Variants in PFKFB1 observed in about 807,000 individuals in gnomAD.
PFKFB1 encodes the protein 6-phosphofructo-2-kinase/fructose-2,6-biphosphatase 1.
In PFKFB1, 34 loss-of-function variants were observed where a neutral mutation model predicts 46.4. That is an observed-to-expected ratio of 0.73 (90% CI 0.56 to 0.98). The LOEUF (loss-of-function observed/expected upper bound fraction) is 0.98. Ranked by LOEUF, PFKFB1 falls within the 50% of genes least tolerant of loss-of-function variation. The pLI is 0.00. For missense variants in PFKFB1, 393 were observed against 376.3 expected (o/e 1.04, Z -0.37); for synonymous variants, 119 against 133.8 (o/e 0.89, Z 0.76).
intron 1 of PFKFB1, among the ~76,000 whole-genome samples, chrX:54,974,347 T>C (rs1011071710): frequency 1.8e-5 from 2 of 111,498 alleles, no homozygotes; most frequent in African/African-American, 6.5e-5. Flanking sequence ...TAACATAAAG[T>C]AGGGAAATGA....
chrX:54,942,649 A>C (rs1013112051), intron 10 of PFKFB1, among the ~76,000 whole-genome samples: 4 of 111,721 alleles, frequency 3.6e-5, no homozygotes, highest in African/African-American at 1.3e-4. Flanking sequence ...GAAATAAGCT[A>C]CCATGAGTGA....
intron 2 of PFKFB1, among the ~76,000 whole-genome samples, chrX:54,962,206 A>G (rs371698451): frequency 2.7e-5 from 3 of 111,663 alleles, no homozygotes; most frequent in African/African-American, 9.8e-5. Flanking sequence ...ATGTGCCTCT[A>G]CACTCAGCAG....
rs768494936 is a variant in PFKFB1, at chrX:54,973,870, T to A, written c.98-10488A>T. On this transcript the variant is annotated intron_variant, in intron 1 of 13. Coordinates refer to ENST00000375006, the MANE Select transcript of PFKFB1 (RefSeq NM_002625.4). The stretch of plus-strand genomic sequence containing the variant: ...AATTCAAAATCAAAGTTAAAAAAAA[T>A]TTACAATAGTTCTAATAAGACAAAA... 1.6e-4 allele frequency among the ~76,000 whole-genome samples: 18 copies of A among 111,384 alleles called. No homozygotes were observed. In the East Asian group the frequency reaches 4.8e-3, roughly 30 times the overall value.
chrX:54,951,641 A>C (rs1315980114), intron 8 of PFKFB1, among the ~76,000 whole-genome samples: 1 of 112,719 alleles, frequency 8.9e-6, no homozygotes, highest in East Asian at 2.8e-4. Context: ...CAAGGGAGTC[A>C]CTGTCATGGA....
chrX:54,953,107 G>A lies in PFKFB1; in HGVS notation c.639-995C>T, dbSNP rs751287223. 3.6e-5 allele frequency among the ~76,000 whole-genome samples: 4 copies of A among 112,091 alleles called. No homozygotes were observed. In the South Asian group the frequency reaches 1.5e-3, roughly 42 times the overall value. The stretch of plus-strand genomic sequence containing the variant: ...AGAAACATGGAGCAAGACTTCTGAG[G>A]CCTACGCTGTACCAGGCATTAAATC... On this transcript the variant is annotated intron_variant, in intron 7 of 13. Coordinates refer to ENST00000375006, the MANE Select transcript of PFKFB1 (RefSeq NM_002625.4).
intron 11 of PFKFB1, 50 bp from the exon 12 acceptor site, chrX:54,935,059 A>C: frequency 1.0e-6 from 1 of 986,110 alleles, no homozygotes; most frequent in Non-Finnish European, 1.4e-6. Context: ...TGGCCAGGAC[A>C]CAGCCTCCCC....
chrX:54,948,033 C>T (rs1602184529), intron 9 of PFKFB1, among the ~76,000 whole-genome samples: 1 of 109,957 alleles, frequency 9.1e-6, no homozygotes, highest in African/African-American at 3.3e-5. Flanking sequence ...AACAATCCTC[C>T]TATCTCAGCC....
At chrX:54,957,256 C>T (rs1451055224) in intron 6 of PFKFB1, among the ~76,000 whole-genome samples, 1 of 111,554 alleles carries the variant, frequency 9.0e-6, no homozygotes, top group African/African-American at 3.3e-5. Flanking sequence ...CTTATGTGTT[C>T]TTCAAGGTAC....
rs1449021974 is a variant in PFKFB1, at chrX:54,977,497, T to C, written c.98-14115A>G. On this transcript the variant is annotated intron_variant, in intron 1 of 13. Transcript: ENST00000375006. ...TTTCACAGTCTAAGAAAGAAGCTCATAGTAAACAAGGGAGAAGGTCTAGAA... is the reference window on the plus strand; with the variant it reads ...TTTCACAGTCTAAGAAAGAAGCTCACAGTAAACAAGGGAGAAGGTCTAGAA... Among the ~76,000 whole-genome samples, 3 of 111,453 alleles carry C rather than the reference T, an allele frequency of 2.7e-5. No homozygotes were observed. The Admixed American group carries it at 2.9e-4, about 11-fold the overall frequency.
intron 10 of PFKFB1, among the ~76,000 whole-genome samples, chrX:54,940,100 T>C (rs761315464): frequency 1.8e-5 from 2 of 111,984 alleles, no homozygotes; most frequent in Admixed American, 1.9e-4. Context: ...TGCAAATCAA[T>C]AAACATAATC....
intron 3 of PFKFB1, among the ~76,000 whole-genome samples, chrX:54,960,365 A>G (rs185987604): frequency 4.4e-5 from 5 of 112,676 alleles, no homozygotes; most frequent in Admixed American, 1.9e-4. Flanking sequence ...TGAAGGCATA[A>G]GGCACAGGCT....
At chrX:54,954,378 T>C (rs1397694003) in intron 7 of PFKFB1, among the ~76,000 whole-genome samples, 2 of 110,905 alleles carry the variant, frequency 1.8e-5, no homozygotes. Context: ...CCAGGCACGG[T>C]GGCGGGCACC....
intron 1 of PFKFB1, 119 bp from the exon 2 acceptor site, chrX:54,963,501 C>T (rs917441001): frequency 4.3e-5 from 33 of 764,814 alleles, no homozygotes; most frequent in South Asian, 9.0e-5. Flanking sequence ...ACGAAAAAAC[C>T]GGGAAAGTGA....
rs373526270 is a variant in PFKFB1, at chrX:54,964,138, G to GA, written c.98-757dup. Reference sequence around the variant, plus strand: ...CTCACTACAGCTGGGGGAGAAAATTGAAAAAAAAAAAAGTCCTAACCCAGG... The same window carrying GA: ...CTCACTACAGCTGGGGGAGAAAATTGAAAAAAAAAAAAAGTCCTAACCCAGG... On this transcript the variant is annotated intron_variant, in intron 1 of 13. Transcript: ENST00000375006. Among the ~76,000 whole-genome samples, 271 of 97,828 alleles carry GA rather than the reference G, an allele frequency of 2.8e-3. 1 individual carries two copies. The highest frequency in any genetic ancestry group is 5.3e-3 in the African/African-American group (144 of 27,024). 85.0% of individuals were successfully genotyped at this position (97,828 alleles called of 115,157 possible).
chrX:54,963,603 C>A (rs1374267183), intron 1 of PFKFB1, among the ~76,000 whole-genome samples: 1 of 112,521 alleles, frequency 8.9e-6, no homozygotes, highest in African/African-American at 3.2e-5. Context: ...GCCACAGGAA[C>A]AGGCATTTGC....
chrX:54,988,692 T>C (rs757318849), intron 1 of PFKFB1, among the ~76,000 whole-genome samples: 23 of 111,797 alleles, frequency 2.1e-4, no homozygotes, highest in African/African-American at 7.1e-4. Flanking sequence ...CTTCAACTTA[T>C]AGTCACCTGA....
At chrX:54,986,280 C>T (rs1935110941) in intron 1 of PFKFB1, among the ~76,000 whole-genome samples, 1 of 111,678 alleles carries the variant, frequency 9.0e-6, no homozygotes, top group African/African-American at 3.3e-5. Context: ...AGTGAGACTC[C>T]ATCTCTATTC....
chrX:54,945,722 G>A (rs1203972821), intron 9 of PFKFB1, among the ~76,000 whole-genome samples, 179 bp from the exon 10 acceptor site: 1 of 95,117 alleles, frequency 1.1e-5, no homozygotes, highest in Non-Finnish European at 2.1e-5. Context: ...GTGTGTGTGC[G>A]TGTGTGTGTG....
At chrX:54,996,371 G>A (rs1283141412), upstream of PFKFB1, among the ~76,000 whole-genome samples, 1 of 112,149 alleles carries the variant, frequency 8.9e-6, no homozygotes, top group Non-Finnish European at 1.9e-5. Flanking sequence ...CTGGGGAGGG[G>A]AAGTGGCATG....
Sources: gnomAD v4.1 joint callset for allele counts (sites outside exome capture counted in the v4.1 genomes callset) on GRCh38, gnomAD v4.1.1 for gene constraint, MANE v1.5 for transcripts, NCBI Gene and HGNC (gene_info 2026-07-23, HGNC 2026-07-21) for gene names.